The following AGO2 variants were observed in gnomAD, a reference collection of about 807,000 sequenced individuals.
AGO2 encodes the protein protein argonaute-2.
Under a neutral mutation model 102.3 loss-of-function variants are expected in AGO2, and 5 were observed. The ratio of observed to expected loss-of-function variants is 0.05; its 90% confidence interval spans 0.03 to 0.10. The LOEUF (loss-of-function observed/expected upper bound fraction) is 0.10, where lower values mean the gene tolerates loss of function less well. AGO2 is among the 10% of genes least tolerant of loss of function. The probability of loss-of-function intolerance (pLI) is 1.00; values close to 1 mark genes in which losing one functional copy is unlikely to be tolerated. For missense variants in AGO2, 541 were observed against 1,183.7 expected, an observed-to-expected ratio of 0.46 and a Z score of 7.97; for synonymous variants, 449 against 473.1, an observed-to-expected ratio of 0.95 and a Z score of 0.66.
chr8:140,555,767 GC>G (rs2073083734), intron 10 of AGO2, 128 bp downstream of exon 10: 4 of 1,327,982 alleles, frequency 3.0e-6, no homozygotes, highest in Non-Finnish European at 4.0e-6. Context: ...TACAGGCTCA[GC>G]CGGGAGTAGA....
chr8:140,566,570 T>C lies in AGO2; in HGVS notation c.337-3936A>G, dbSNP rs1276053939. ...CATAACACTGGCAACATGGCAGACATTCCTGCACTCACTGGTTCCCCCCTT... is the reference window on the plus strand; with the variant it reads ...CATAACACTGGCAACATGGCAGACACTCCTGCACTCACTGGTTCCCCCCTT... On this transcript the variant is annotated intron_variant, in intron 3 of 18. Coordinates refer to ENST00000220592, the MANE Select transcript of AGO2 (RefSeq NM_012154.5). 2.6e-5 allele frequency among the ~76,000 whole-genome samples: 4 copies of C among 152,106 alleles called. No individual in the cohort carries two copies. In the East Asian group the frequency reaches 7.8e-4, roughly 30 times the overall value.
chr8:140,606,612 T>C (rs2074001587), intron 1 of AGO2, among the ~76,000 whole-genome samples: 1 of 152,230 alleles, frequency 6.6e-6, no homozygotes, highest in East Asian at 1.9e-4. Context: ...AGTTATCATC[T>C]TGGCAAGGCT....
At position 140,589,893 on chromosome 8, in the gene AGO2, C is replaced by T. The variant is rs1052348864; in HGVS notation, c.23-4582G>A. 1.3e-5 allele frequency among the ~76,000 whole-genome samples: 2 copies of T among 152,160 alleles called. No individual in the cohort carries two copies. Among genetic ancestry groups the T allele is most frequent in the Admixed American group, 6.5e-5 (1 of 15,276 alleles). On this transcript the variant is annotated intron_variant, in intron 1 of 18. Coordinates refer to ENST00000220592, the MANE Select transcript of AGO2 (RefSeq NM_012154.5). This position sits in a 1 kb window ranked among gnomAD's most constrained non-coding sequence, Gnocchi z 4.2. Reference sequence around the variant, plus strand: ...GTACTCTCCTGCTAAAATCAGGACACGAGGGTGACAACTCACCTGTTGTCT... The same window carrying T: ...GTACTCTCCTGCTAAAATCAGGACATGAGGGTGACAACTCACCTGTTGTCT...
intron 1 of AGO2, among the ~76,000 whole-genome samples, chr8:140,607,760 G>A (rs1209606630): frequency 1.3e-5 from 2 of 151,974 alleles, no homozygotes; most frequent in Non-Finnish European, 1.5e-5. Flanking sequence ...GCACAGAGTG[G>A]TGGCTGCCAG....
chr8:140,597,153 C>CG (rs1173251573), intron 1 of AGO2, among the ~76,000 whole-genome samples: 1 of 152,250 alleles, frequency 6.6e-6, no homozygotes, highest in African/African-American at 2.4e-5. Context: ...TTTATAACCA[C>CG]GCCCCTGCAC....
intron 16 of AGO2, among the ~76,000 whole-genome samples, chr8:140,537,566 T>C (rs1308322044): frequency 1.3e-5 from 2 of 152,182 alleles, no homozygotes; most frequent in Admixed American, 6.5e-5. Context: ...CCTCCCAAAG[T>C]GGTGGGATTA....
intron 3 of AGO2, among the ~76,000 whole-genome samples, chr8:140,571,379 A>C (rs2073375974): frequency 6.6e-6 from 1 of 152,244 alleles, no homozygotes; most frequent in Non-Finnish European, 1.5e-5. Flanking sequence ...TCAAAATGAA[A>C]AACCAGCCAC....
intron 1 of AGO2, among the ~76,000 whole-genome samples, chr8:140,595,332 T>C (rs2073809791): frequency 6.6e-6 from 1 of 152,102 alleles, no homozygotes; most frequent in Non-Finnish European, 1.5e-5. Flanking sequence ...ACATACACAT[T>C]TGGGGTATGA....
chr8:140,577,824 T>C (rs2073490226), intron 2 of AGO2, among the ~76,000 whole-genome samples: 1 of 152,192 alleles, frequency 6.6e-6, no homozygotes, highest in African/African-American at 2.4e-5. Context: ...CATTCACTGT[T>C]CCGAGCCCCA....
chr8:140,625,940 C>T (rs1050111747), intron 1 of AGO2, among the ~76,000 whole-genome samples: 2 of 152,228 alleles, frequency 1.3e-5, no homozygotes, highest in Non-Finnish European at 1.5e-5. Flanking sequence ...GTGAGGCACG[C>T]GCTTTAGCAT....
chr8:140,539,203 T>G lies in AGO2; in HGVS notation c.2169+117A>C. 7.1e-7 allele frequency: 1 copy of G among 1,411,770 alleles called. No homozygotes were observed. Among genetic ancestry groups the G allele is most frequent in the East Asian group, 2.4e-5 (1 of 41,878 alleles). The allele number at this position is 1,411,770 out of a possible 1,614,324, so 87.5% of individuals were successfully genotyped here. On this transcript the variant is annotated intron_variant, in intron 16 of 18. Coordinates refer to ENST00000220592, the MANE Select transcript of AGO2 (RefSeq NM_012154.5). The surrounding 1 kb of genome is among the most constrained non-coding windows in gnomAD (Gnocchi z 4.7). ...CCATGAAGCCCCTTAGAGGACAGAGTCACCCTAGAGCCTGGGACAGCGGCA... is the reference window on the plus strand; with the variant it reads ...CCATGAAGCCCCTTAGAGGACAGAGGCACCCTAGAGCCTGGGACAGCGGCA...
chr8:140,585,075 C>T (rs776848074), intron 2 of AGO2, 44 bp downstream of exon 2: 88 of 1,565,290 alleles, frequency 5.6e-5, no homozygotes, highest in South Asian at 9.4e-5. Flanking sequence ...CGTGTCTGTC[C>T]GCGCAGACCA....
At position 140,532,628 on chromosome 8, in the gene AGO2, A is replaced by G. The variant is rs774570404; in HGVS notation, c.2272-13T>C. ...GCCTGCTTGTCCCCTAAAGCAGATC[A>G]GAAGATTAGACAGTTGGACTCGCAT... is the stretch of plus-strand genomic sequence containing the variant. On this transcript the variant is annotated splice_polypyrimidine_tract_variant and intron_variant, in intron 17 of 18. Coordinates refer to ENST00000220592, the MANE Select transcript of AGO2 (RefSeq NM_012154.5). 1 of 1,613,342 alleles carries G rather than the reference A, an allele frequency of 6.2e-7. No homozygotes were observed. The highest frequency in any genetic ancestry group is 1.1e-5 in the South Asian group (1 of 91,064).
intron 4 of AGO2, among the ~76,000 whole-genome samples, chr8:140,561,512 G>A (rs1348826249): frequency 6.6e-6 from 1 of 152,248 alleles, no homozygotes; most frequent in Non-Finnish European, 1.5e-5. Context: ...TCCTCCTAGA[G>A]TGTTTCTCCA....
intron 1 of AGO2, among the ~76,000 whole-genome samples, chr8:140,610,433 G>A (rs1207686596): frequency 1.3e-5 from 2 of 152,134 alleles, no homozygotes; most frequent in Non-Finnish European, 2.9e-5. Context: ...TGACCAGGCT[G>A]GTATTGAACT....
At chr8:140,536,192 C>T (rs777067759) in intron 16 of AGO2, among the ~76,000 whole-genome samples, 10 of 152,200 alleles carry the variant, frequency 6.6e-5, no homozygotes, top group Non-Finnish European at 1.5e-4. Context: ...GCAGGCATGG[C>T]CACGCCAGCA....
At chr8:140,572,670 G>A in intron 3 of AGO2, 142 bp downstream of exon 3, 2 of 1,212,782 alleles carry the variant, frequency 1.6e-6, no homozygotes, top group Non-Finnish European at 2.2e-6. Flanking sequence ...TGGATCTCAG[G>A]ACGAAGCATG....
intron 11 of AGO2, among the ~76,000 whole-genome samples, chr8:140,549,668 G>A (rs1441456171): frequency 1.3e-5 from 2 of 152,284 alleles, no homozygotes; most frequent in Non-Finnish European, 2.9e-5. Flanking sequence ...AGCGCCTGGA[G>A]CTCTTGTGAA....
In AGO2 at chr8:140,539,226, G is replaced by T; in HGVS notation, c.2169+94C>A. On this transcript the variant is annotated intron_variant, in intron 16 of 18. Coordinates refer to ENST00000220592, the MANE Select transcript of AGO2 (RefSeq NM_012154.5). This position sits in a 1 kb window ranked among gnomAD's most constrained non-coding sequence, Gnocchi z 4.7. ...AGTCACCCTAGAGCCTGGGACAGCG[G>T]CACTGTGGCCAGCAGGTTCTCTTGT... 6.7e-7 allele frequency: 1 copy of T among 1,488,034 alleles called. No individual in the cohort carries two copies. Among genetic ancestry groups the T allele is most frequent in the Non-Finnish European group, 9.0e-7 (1 of 1,115,814 alleles). The allele number at this position is 1,488,034 out of a possible 1,614,324, so 92.2% of individuals were successfully genotyped here.
Sources: gnomAD v4.1 joint callset for allele counts (sites outside exome capture counted in the v4.1 genomes callset) on GRCh38, gnomAD v4.1.1 for gene constraint, Gnocchi (gnomAD v3.1) non-coding constraint, MANE v1.5 for transcripts, NCBI Gene and HGNC (gene_info 2026-07-23, HGNC 2026-07-21) for gene names.